Variants in FBXW7 observed in about 807,000 individuals in gnomAD.
FBXW7 encodes F-box/WD repeat-containing protein 7.
Under a neutral mutation model 86.3 loss-of-function variants are expected in FBXW7, and 11 were observed. The ratio of observed to expected loss-of-function variants is 0.13; its 90% confidence interval spans 0.08 to 0.21. FBXW7 has a LOEUF of 0.21. Ranked by LOEUF, FBXW7 falls within the 10% of genes least tolerant of loss-of-function variation. FBXW7 has a pLI of 1.00. For synonymous variants in FBXW7, 313 were observed against 297.9 expected, an observed-to-expected ratio of 1.05 and a Z score of -0.52; for missense variants, 488 against 847.4, an observed-to-expected ratio of 0.58 and a Z score of 5.27.
intron 2 of FBXW7, among the ~76,000 whole-genome samples, chr4:152,455,806 T>C (rs1278621208): frequency 6.6e-6 from 1 of 152,196 alleles, no homozygotes; most frequent in African/African-American, 2.4e-5. Context: ...GCTGCAGTCA[T>C]TCATCTCTTC....
In FBXW7 at chr4:152,535,359, G is replaced by C. The variant is rs1270985344; in HGVS notation, c.-445C>G. The C allele has an allele frequency of 2.7e-6, 1 of 372,656 alleles. No homozygotes were observed. The highest frequency in any genetic ancestry group is 3.8e-5 in the East Asian group (1 of 26,492). 23.1% of individuals were successfully genotyped at this position (372,656 alleles called of 1,614,324 possible). On this transcript the variant is annotated 5_prime_UTR_variant, in exon 1 of 14. Transcript: ENST00000281708. ...CCGGAGTCCAGCCAAGGAGCCGGGG[G>C]GCCGGCGACTGGCCAAGGGAGAAGA...
rs373048995 is a variant in FBXW7, at chr4:152,393,813, C to T, written c.501+17490G>A. On this transcript the variant is annotated intron_variant, in intron 4 of 13. Transcript: ENST00000281708. ...AACTGCTATTTCTAAAGCAGAGAAA[C>T]TACCTTTTGCATCAGCAAAAACCAA... 2.6e-5 allele frequency among the ~76,000 whole-genome samples: 4 copies of T among 152,076 alleles called. No homozygotes were observed. In the East Asian group the frequency reaches 7.7e-4, roughly 29 times the overall value.
In FBXW7 at chr4:152,477,977, G is replaced by A. The variant is rs149875615; in HGVS notation, c.-120+56964C>T. 6.3e-4 allele frequency among the ~76,000 whole-genome samples: 96 copies of A among 152,076 alleles called. 1 individual carries two copies. Among genetic ancestry groups the A allele is most frequent in the African/African-American group, 2.2e-3 (93 of 41,516 alleles). On this transcript the variant is annotated intron_variant, in intron 2 of 13. Coordinates refer to ENST00000281708, the MANE Select transcript of FBXW7 (RefSeq NM_001349798.2). ...ATATAATTTTTAATACATTTTCAAAGAGGCAGCAATGAAACAACAAAATTT... is the reference window on the plus strand; with the variant it reads ...ATATAATTTTTAATACATTTTCAAAAAGGCAGCAATGAAACAACAAAATTT...
At chr4:152,339,201 G>C (rs1025639891) in intron 6 of FBXW7, among the ~76,000 whole-genome samples, 21 of 152,134 alleles carry the variant, frequency 1.4e-4, no homozygotes, top group Non-Finnish European at 2.9e-5. Flanking sequence ...GTTCCAACCA[G>C]TTGTGTCCCT....
intron 2 of FBXW7, among the ~76,000 whole-genome samples, chr4:152,487,334 C>G (rs1745432843): frequency 6.6e-6 from 1 of 151,964 alleles, no homozygotes; most frequent in African/African-American, 2.4e-5. Context: ...ACCACCTTAA[C>G]CAAGTAATCA....
chr4:152,410,036 C>T (rs1006153648), intron 4 of FBXW7, among the ~76,000 whole-genome samples: 1 of 152,126 alleles, frequency 6.6e-6, no homozygotes, highest in South Asian at 2.1e-4. Context: ...ATAAGGATGA[C>T]TTTTCCTTTT....
chr4:152,482,688 A>G (rs1052317261), intron 2 of FBXW7, among the ~76,000 whole-genome samples: 1 of 152,198 alleles, frequency 6.6e-6, no homozygotes, highest in Admixed American at 6.5e-5. Flanking sequence ...TAGACAGAAC[A>G]GGGTGGGGGG....
At chr4:152,474,910 C>T (rs923572666) in intron 2 of FBXW7, among the ~76,000 whole-genome samples, 14 of 152,100 alleles carry the variant, frequency 9.2e-5, no homozygotes, top group Middle Eastern at 3.4e-3. Flanking sequence ...ATGATCCGCC[C>T]GTCTTGGCCT....
chr4:152,363,937 A>G (rs1733218405), intron 4 of FBXW7, among the ~76,000 whole-genome samples: 1 of 152,160 alleles, frequency 6.6e-6, no homozygotes, highest in South Asian at 2.1e-4. Context: ...ACAAAGCAAG[A>G]AATATTGGCA....
chr4:152,522,720 T>A (rs1749138991), intron 2 of FBXW7, among the ~76,000 whole-genome samples: 1 of 152,222 alleles, frequency 6.6e-6, no homozygotes, highest in Non-Finnish European at 1.5e-5. Flanking sequence ...TAGATTGTTA[T>A]ATACTAAGCA....
rs561778620 is a variant in FBXW7 at position 152,445,940 on chromosome 4, A to C, written c.-119-33411T>G. ...AAAAAAAAAAAAAAAAAAAAAAAAAAAACCAAAGTGCTTAGTACAGCACTT... is the reference window on the plus strand; with the variant it reads ...AAAAAAAAAAAAAAAAAAAAAAAAACAACCAAAGTGCTTAGTACAGCACTT... On this transcript the variant is annotated intron_variant, in intron 2 of 13. Transcript: ENST00000281708. Among the ~76,000 whole-genome samples, 209 of 141,556 alleles carry C rather than the reference A, an allele frequency of 1.5e-3. No homozygotes were observed. The Middle Eastern group carries it at 0.015, about 10-fold the overall frequency. The allele number at this position is 141,556 out of a possible 152,430, so 92.9% of individuals were successfully genotyped here.
intron 4 of FBXW7, among the ~76,000 whole-genome samples, chr4:152,366,562 A>G (rs1733497492): frequency 6.6e-6 from 1 of 152,218 alleles, no homozygotes; most frequent in South Asian, 2.1e-4. Flanking sequence ...AACTAAATGT[A>G]AATCAAAACC....
chr4:152,326,523 T>C (rs1321900273), intron 11 of FBXW7, among the ~76,000 whole-genome samples: 1 of 152,044 alleles, frequency 6.6e-6, no homozygotes, highest in Non-Finnish European at 1.5e-5. Context: ...AAAACCACTG[T>C]ACTGTATTTT....
At chr4:152,396,055 A>C (rs527735515) in intron 4 of FBXW7, among the ~76,000 whole-genome samples, 3 of 152,142 alleles carry the variant, frequency 2.0e-5, no homozygotes, top group African/African-American at 7.2e-5. Flanking sequence ...CATTTCATTC[A>C]TATCAATTAA....
At chr4:152,380,952 G>A (rs1337301119) in intron 4 of FBXW7, among the ~76,000 whole-genome samples, 1 of 151,992 alleles carries the variant, frequency 6.6e-6, no homozygotes, top group Admixed American at 6.6e-5. Context: ...TCATTCAGAA[G>A]AAGCTACTAA....
chr4:152,413,160 G>A (rs1323776623), intron 2 of FBXW7, among the ~76,000 whole-genome samples: 1 of 151,962 alleles, frequency 6.6e-6, no homozygotes, highest in Non-Finnish European at 1.5e-5. Context: ...TTACAACAGT[G>A]TATCATAAAA....
At chr4:152,517,068 T>C (rs1409551936) in intron 2 of FBXW7, among the ~76,000 whole-genome samples, 1 of 152,126 alleles carries the variant, frequency 6.6e-6, no homozygotes, top group Non-Finnish European at 1.5e-5. Context: ...AGCGATCCAC[T>C]CGCCTCAGCC....
intron 4 of FBXW7, among the ~76,000 whole-genome samples, chr4:152,380,282 A>T (rs1734947110): frequency 6.6e-6 from 1 of 151,988 alleles, no homozygotes; most frequent in South Asian, 2.1e-4. Context: ...ATAAAGAAAA[A>T]TGGGAAAGTT....
chr4:152,452,500 G>A (rs1034490128), intron 2 of FBXW7, among the ~76,000 whole-genome samples: 1 of 152,212 alleles, frequency 6.6e-6, no homozygotes, highest in East Asian at 1.9e-4. Flanking sequence ...CTTCATTGTT[G>A]AGCACAATTG....
Sources: gnomAD v4.1 joint callset for allele counts (sites outside exome capture counted in the v4.1 genomes callset) on GRCh38, gnomAD v4.1.1 for gene constraint, MANE v1.5 for transcripts, NCBI Gene and HGNC (gene_info 2026-07-23, HGNC 2026-07-21) for gene names.